Variants in LRRC4C observed in about 807,000 individuals in gnomAD.
LRRC4C encodes the protein leucine-rich repeat-containing protein 4C.
A neutral mutation model predicts 33.6 loss-of-function variants in LRRC4C; 5 were observed. The observed-to-expected ratio is 0.15, with a 90% CI of 0.08 to 0.31. The LOEUF (loss-of-function observed/expected upper bound fraction) is 0.31, where lower values mean the gene tolerates loss of function less well. Among genes scored for constraint, LRRC4C ranks in the 10% least tolerant of loss-of-function variants. LRRC4C has a pLI of 1.00. For missense variants in LRRC4C, 560 were observed against 796.7 expected (o/e 0.70, Z 3.58); for synonymous variants, 329 against 302.0 (o/e 1.09, Z -0.93).
chr11:40,720,284 ATCTT>A (rs2136673223), intron 2 of LRRC4C, among the ~76,000 whole-genome samples: 1 of 152,302 alleles, frequency 6.6e-6, no homozygotes, highest in South Asian at 2.1e-4. Context: ...AAATATAGGC[ATCTT>A]TCTTTTATTT....
At chr11:41,103,170 C>T (rs1264368563) in intron 1 of LRRC4C, among the ~76,000 whole-genome samples, 1 of 151,742 alleles carries the variant, frequency 6.6e-6, no homozygotes, top group African/African-American at 2.4e-5. Context: ...ATTATATGGC[C>T]TGTCACACAG....
At chr11:40,868,947 T>C (rs764767503) in intron 2 of LRRC4C, among the ~76,000 whole-genome samples, 1 of 152,156 alleles carries the variant, frequency 6.6e-6, no homozygotes, top group African/African-American at 2.4e-5. Context: ...CGACATTTAT[T>C]TTGTTCCTTA....
Position 41,216,752 on chromosome 11 carries a change from A to G in LRRC4C, c.-496+242679T>C, listed in dbSNP as rs577325981. ...ATCAATATAGTGTGAAAAATATAAT[A>G]CACTGACAAGTATGAGAAAAGTGTA... On this transcript the variant is annotated intron_variant, in intron 1 of 6. Transcript: ENST00000528697. Among the ~76,000 whole-genome samples the G allele has an allele frequency of 2.0e-5, 3 of 152,310 alleles. No homozygotes were observed. In the South Asian group the frequency reaches 6.2e-4, roughly 32 times the overall value.
At chr11:41,048,320 A>G (rs988466319) in intron 1 of LRRC4C, among the ~76,000 whole-genome samples, 1 of 131,258 alleles carries the variant, frequency 7.6e-6, no homozygotes, top group African/African-American at 3.0e-5. Context: ...GCTGGAGTGC[A>G]GTGGCACAAT....
intron 1 of LRRC4C, among the ~76,000 whole-genome samples, chr11:41,317,926 A>C (rs565400158): frequency 6.6e-6 from 1 of 152,296 alleles, no homozygotes; most frequent in African/African-American, 2.4e-5. Context: ...AGCTATGAGG[A>C]TATATGGCAT....
chr11:40,800,217 A>G (rs1027333110), intron 2 of LRRC4C, among the ~76,000 whole-genome samples: 1 of 152,168 alleles, frequency 6.6e-6, no homozygotes, highest in Non-Finnish European at 1.5e-5. Flanking sequence ...GGTCCATGTG[A>G]TGCAATGACT....
At chr11:40,303,209 A>G (rs1181510104) in intron 4 of LRRC4C, among the ~76,000 whole-genome samples, 1 of 152,148 alleles carries the variant, frequency 6.6e-6, no homozygotes, top group Non-Finnish European at 1.5e-5. Flanking sequence ...ATCTAAACAA[A>G]GGCAGAAGAT....
intron 2 of LRRC4C, among the ~76,000 whole-genome samples, chr11:40,685,290 T>C (rs745586971): frequency 6.6e-6 from 1 of 152,076 alleles, no homozygotes; most frequent in Non-Finnish European, 1.5e-5. Flanking sequence ...CATAAAACTT[T>C]TTCACTGTAT....
intron 3 of LRRC4C, among the ~76,000 whole-genome samples, chr11:40,454,193 C>T (rs889280182): frequency 6.9e-6 from 1 of 144,088 alleles, no homozygotes; most frequent in Non-Finnish European, 1.5e-5. Flanking sequence ...TTTTTTTTAA[C>T]AGTGAGTCAT....
chr11:40,569,908 C>G (rs1450215046), intron 3 of LRRC4C, among the ~76,000 whole-genome samples: 1 of 151,616 alleles, frequency 6.6e-6, no homozygotes, highest in Non-Finnish European at 1.5e-5. Flanking sequence ...AATCATGTTG[C>G]TGAGAAATAT....
At chr11:40,393,493 A>G (rs1470692246) in intron 3 of LRRC4C, among the ~76,000 whole-genome samples, 1 of 152,166 alleles carries the variant, frequency 6.6e-6, no homozygotes, top group Admixed American at 6.6e-5. Flanking sequence ...CTTTTGAATG[A>G]ACAACTTAAT....
intron 1 of LRRC4C, among the ~76,000 whole-genome samples, chr11:41,099,677 A>G (rs1483223341): frequency 6.6e-6 from 1 of 152,142 alleles, no homozygotes; most frequent in Non-Finnish European, 1.5e-5. Flanking sequence ...ACCAGATATT[A>G]AAGAAACATA....
chr11:40,214,967 G>A (rs1863869738), intron 5 of LRRC4C, among the ~76,000 whole-genome samples: 1 of 152,108 alleles, frequency 6.6e-6, no homozygotes, highest in Non-Finnish European at 1.5e-5. Flanking sequence ...CCCTGGAGTT[G>A]TACTGTGCGC....
At chr11:40,175,175 G>A (rs1188138163) in intron 5 of LRRC4C, among the ~76,000 whole-genome samples, 1 of 152,228 alleles carries the variant, frequency 6.6e-6, no homozygotes, top group Non-Finnish European at 1.5e-5. Flanking sequence ...AGATTTGATT[G>A]TGTTAACCTT....
chr11:41,047,126 T>C (rs1857829383), intron 1 of LRRC4C, among the ~76,000 whole-genome samples: 1 of 151,986 alleles, frequency 6.6e-6, no homozygotes, highest in Admixed American at 6.6e-5. Context: ...CTAATAAGGA[T>C]CTTGAAGTCC....
At chr11:40,860,777 C>A (rs1033185421) in intron 2 of LRRC4C, among the ~76,000 whole-genome samples, 4 of 43,272 alleles carry the variant, frequency 9.2e-5, no homozygotes, top group African/African-American at 3.6e-4. Context: ...GGCTTAGGAT[C>A]TTTTTTTTTT....
chr11:40,203,296 T>A (rs948165449), intron 5 of LRRC4C, among the ~76,000 whole-genome samples: 4 of 152,152 alleles, frequency 2.6e-5, no homozygotes, highest in African/African-American at 7.2e-5. Context: ...CCACAACATT[T>A]AATAAAAACA....
intron 3 of LRRC4C, among the ~76,000 whole-genome samples, chr11:40,509,010 G>A (rs1324389950): frequency 3.3e-5 from 5 of 152,222 alleles, no homozygotes; most frequent in Admixed American, 2.0e-4. Flanking sequence ...TGAAGCCAAC[G>A]AGGAAATATA....
chr11:40,963,632 C>G (rs567489577), intron 1 of LRRC4C, among the ~76,000 whole-genome samples: 1 of 151,648 alleles, frequency 6.6e-6, no homozygotes, highest in Non-Finnish European at 1.5e-5. Context: ...AATATACAAA[C>G]AGTAATTCCT....
Sources: gnomAD v4.1 joint callset for allele counts (sites outside exome capture counted in the v4.1 genomes callset) on GRCh38, gnomAD v4.1.1 for gene constraint, MANE v1.5 for transcripts, NCBI Gene and HGNC (gene_info 2026-07-23, HGNC 2026-07-21) for gene names.